SDK1: variants seen among roughly 807,000 people sequenced by gnomAD.
The protein encoded by SDK1 is protein sidekick-1.
SDK1 carries 157 observed loss-of-function variants against 245.5 expected under a neutral mutation model. The ratio of observed to expected loss-of-function variants is 0.64; its 90% CI spans 0.56 to 0.73. SDK1 has a LOEUF of 0.73. Among genes scored for constraint, SDK1 ranks in the 30% least tolerant of loss-of-function variants. The probability of loss-of-function intolerance (pLI) is 0.00; values close to 1 mark genes in which losing one functional copy is unlikely to be tolerated. For synonymous variants in SDK1, 1,647 were observed against 1,278.5 expected (o/e 1.29, Z -6.15); for missense variants, 3,583 against 3,002.3 (o/e 1.19, Z -4.52).
intron 1 of SDK1, among the ~76,000 whole-genome samples, chr7:3,449,548 A>G (rs190287398): frequency 6.6e-6 from 1 of 152,320 alleles, no homozygotes; most frequent in East Asian, 1.9e-4. Context: ...TTATAATTAG[A>G]AGTAGGCTTT....
chr7:4,229,565 A>G (rs1225708304), intron 40 of SDK1, among the ~76,000 whole-genome samples: 1 of 152,196 alleles, frequency 6.6e-6, no homozygotes, highest in Non-Finnish European at 1.5e-5. Context: ...GTGATGGTAC[A>G]GGAAGGGAGA....
Position 4,247,446 on chromosome 7 carries a change from G to A in SDK1, c.6381+1641G>A, listed in dbSNP as rs560971387. The stretch of plus-strand genomic sequence containing the variant: ...CTCAGGGGCTGTCAAGTGAAATCCT[G>A]CAAAACTACCTGCCTTTTTGTGATA... On this transcript the variant is annotated intron_variant, in intron 44 of 44. Coordinates refer to ENST00000404826, the MANE Select transcript of SDK1 (RefSeq NM_152744.4). Among the ~76,000 whole-genome samples, 8 of 152,362 alleles carry A rather than the reference G, an allele frequency of 5.3e-5. No homozygotes were observed. In the South Asian group the frequency reaches 1.7e-3, roughly 32 times the overall value.
At chr7:3,697,435 G>A (rs1209571934) in intron 4 of SDK1, among the ~76,000 whole-genome samples, 1 of 152,164 alleles carries the variant, frequency 6.6e-6, no homozygotes, top group Non-Finnish European at 1.5e-5. Context: ...TAGTAATATG[G>A]GGAATCTGTC....
At chr7:3,343,289 C>T (rs954642377) in intron 1 of SDK1, among the ~76,000 whole-genome samples, 1 of 152,140 alleles carries the variant, frequency 6.6e-6, no homozygotes, top group South Asian at 2.1e-4. Flanking sequence ...TCAGTGAACG[C>T]ATTATTGAAC....
At chr7:3,725,668 C>G (rs563670102) in intron 4 of SDK1, among the ~76,000 whole-genome samples, 3 of 152,304 alleles carry the variant, frequency 2.0e-5, no homozygotes, top group Non-Finnish European at 2.9e-5. Flanking sequence ...ATAATCAAAG[C>G]ATTCTCTGTC....
intron 1 of SDK1, among the ~76,000 whole-genome samples, chr7:3,514,484 C>A (rs1329008958): frequency 6.6e-6 from 1 of 152,164 alleles, no homozygotes; most frequent in South Asian, 2.1e-4. Flanking sequence ...GGTAGATAGT[C>A]CAGGGTTGGT....
At chr7:3,785,351 A>C (rs573925870) in intron 4 of SDK1, among the ~76,000 whole-genome samples, 1 of 152,300 alleles carries the variant, frequency 6.6e-6, no homozygotes, top group Non-Finnish European at 1.5e-5. Context: ...AAAAGTTCTC[A>C]CCATAAGAAT....
chr7:3,975,248 C>G (rs977420711), intron 13 of SDK1, among the ~76,000 whole-genome samples: 6 of 152,114 alleles, frequency 3.9e-5, no homozygotes, highest in African/African-American at 1.5e-4. Context: ...GTTGTGCCAT[C>G]TCAATATTCC....
chr7:3,817,289 A>G (rs919449126), intron 4 of SDK1, among the ~76,000 whole-genome samples: 7 of 152,182 alleles, frequency 4.6e-5, no homozygotes, highest in Non-Finnish European at 7.4e-5. Context: ...GAAAGTTGTT[A>G]AAGTGCCCCC....
chr7:4,232,694 C>G (rs777278335), intron 40 of SDK1, among the ~76,000 whole-genome samples: 27 of 151,814 alleles, frequency 1.8e-4, no homozygotes, highest in Non-Finnish European at 3.5e-4. Flanking sequence ...CAGCTCTGGG[C>G]TCAAGCAGTC....
intron 4 of SDK1, among the ~76,000 whole-genome samples, chr7:3,818,268 G>T (rs564846203): frequency 1.3e-5 from 2 of 152,330 alleles, no homozygotes; most frequent in South Asian, 4.1e-4. Flanking sequence ...TATGAAGTCA[G>T]TGTAAGTTTT....
intron 1 of SDK1, among the ~76,000 whole-genome samples, chr7:3,353,684 C>T (rs1260311866): frequency 6.6e-6 from 1 of 152,184 alleles, no homozygotes; most frequent in Non-Finnish European, 1.5e-5. Context: ...TTTCCCCTGT[C>T]ATGAATAGAA....
chr7:3,383,193 A>G (rs1349062192), intron 1 of SDK1, among the ~76,000 whole-genome samples: 3 of 152,136 alleles, frequency 2.0e-5, no homozygotes, highest in South Asian at 2.1e-4. Flanking sequence ...GGGGGGATCA[A>G]TTGAGCCAAG....
chr7:3,737,164 C>T lies in SDK1; in HGVS notation c.714-84286C>T, dbSNP rs1779338030. Among the ~76,000 whole-genome samples, 4 of 152,144 alleles carry T rather than the reference C, an allele frequency of 2.6e-5. No homozygotes were observed. The South Asian group carries it at 8.3e-4, about 31-fold the overall frequency. On this transcript the variant is annotated intron_variant, in intron 4 of 44. Coordinates refer to ENST00000404826, the MANE Select transcript of SDK1 (RefSeq NM_152744.4). ...AGCCTGGTGGAGTGGCAGGCTGTGC[C>T]CTGCAGTCGGGTGGGGGAACCCTGA...
chr7:3,702,728 C>G (rs1784774036), intron 4 of SDK1, among the ~76,000 whole-genome samples: 2 of 152,168 alleles, frequency 1.3e-5, no homozygotes, highest in African/African-American at 4.8e-5. Context: ...TATTGTTTCA[C>G]TTGTCATTGA....
Position 3,987,936 on chromosome 7 carries a change from C to A in SDK1, c.2131+614C>A, listed in dbSNP as rs145665201. Among the ~76,000 whole-genome samples, 5 of 152,214 alleles carry A rather than the reference C, an allele frequency of 3.3e-5. No individual in the cohort carries two copies. The East Asian group carries it at 9.7e-4, about 30-fold the overall frequency. ...GCACCCACTCACGCCTCTCCGCTCT[C>A]CCTGGAATCTCTTCCTGGGAAATCG... On this transcript the variant is annotated intron_variant, in intron 14 of 44. Coordinates refer to ENST00000404826, the MANE Select transcript of SDK1 (RefSeq NM_152744.4).
chr7:3,623,213 A>G (rs544633226), intron 2 of SDK1, among the ~76,000 whole-genome samples: 1 of 150,448 alleles, frequency 6.6e-6, no homozygotes, highest in East Asian at 1.9e-4. Flanking sequence ...TGTGCGTTAC[A>G]CACTGCACAG....
intron 1 of SDK1, among the ~76,000 whole-genome samples, chr7:3,430,497 G>T (rs765640842): frequency 1.3e-5 from 2 of 152,012 alleles, no homozygotes; most frequent in Non-Finnish European, 2.9e-5. Flanking sequence ...TGACCTAGAG[G>T]TCACTTGAAA....
chr7:3,537,676 G>A (rs900640146), intron 1 of SDK1, among the ~76,000 whole-genome samples: 4 of 152,184 alleles, frequency 2.6e-5, no homozygotes, highest in Non-Finnish European at 5.9e-5. Context: ...TGCTGACTGC[G>A]CCCTGGATGT....
Sources: gnomAD v4.1 joint callset for allele counts (sites outside exome capture counted in the v4.1 genomes callset) on GRCh38, gnomAD v4.1.1 for gene constraint, MANE v1.5 for transcripts, NCBI Gene and HGNC (gene_info 2026-07-23, HGNC 2026-07-21) for gene names.